The following ZMAT5 variants were observed in gnomAD, a reference collection of about 807,000 sequenced individuals.
ZMAT5 encodes zinc finger matrin-type 5.
Under a neutral mutation model 28.0 loss-of-function variants are expected in ZMAT5, and 23 were observed. The observed-to-expected ratio is 0.82, with a 90% CI of 0.59 to 1.16. The LOEUF (loss-of-function observed/expected upper bound fraction) is 1.16, where lower values mean the gene tolerates loss of function less well. ZMAT5 is among the 50% of genes most tolerant of loss of function. The pLI is 0.00. For missense variants in ZMAT5, 173 were observed against 212.7 expected (o/e 0.81, Z 1.16); for synonymous variants, 76 against 84.1 (o/e 0.90, Z 0.52).
At chr22:29,744,265 T>C (rs751884019) in intron 2 of ZMAT5, among the ~76,000 whole-genome samples, 63 of 152,134 alleles carry the variant, frequency 4.1e-4, no homozygotes, top group Non-Finnish European at 7.4e-4. Flanking sequence ...TTCTTCATTT[T>C]TTCCTCACAA....
At position 29,740,635 on chromosome 22, in the gene ZMAT5, C is replaced by A. The variant is rs1275944486; in HGVS notation, c.271+15G>T. On this transcript the variant is annotated intron_variant, in intron 4 of 5. Coordinates refer to ENST00000344318, the MANE Select transcript of ZMAT5 (RefSeq NM_001003692.2). ...CACCCCACTCCCGCTTAGCCCAGGG[C>A]ATCCCGAGACGTACCCTCCACCTGG... 2 of 1,587,332 alleles carry A rather than the reference C, an allele frequency of 1.3e-6. No individual in the cohort carries two copies. Among genetic ancestry groups the A allele is most frequent in the South Asian group, 2.3e-5 (2 of 86,832 alleles).
chr22:29,734,546 T>C (rs1243011646), intron 5 of ZMAT5, among the ~76,000 whole-genome samples: 1 of 152,196 alleles, frequency 6.6e-6, no homozygotes, highest in Non-Finnish European at 1.5e-5. Context: ...GCAGTAAACC[T>C]GTCCTGGGCA....
At chr22:29,749,327 C>G (rs373730622) in intron 1 of ZMAT5, among the ~76,000 whole-genome samples, 1 of 152,012 alleles carries the variant, frequency 6.6e-6, no homozygotes, top group East Asian at 1.9e-4. Context: ...CCCGCCTTGG[C>G]CCCCCAAAGT....
chr22:29,731,327 G>A lies in ZMAT5; in HGVS notation c.411C>T (p.Phe137=), dbSNP rs1161410963. The A allele has an allele frequency of 2.0e-6, 3 of 1,537,140 alleles. No individual in the cohort carries two copies. In the Admixed American group the frequency reaches 7.0e-5, roughly 36 times the overall value. ...CTGGTGGCCAGCCCACGGGGTACTG[G>A]AAGACAGTGGTTCTGATGGGTTCAG... The part of the protein sequence containing the change: ...SRAEPIRTTV[F]QYPVGWPPVQ... The change falls in exon 6 of 6, where the codon TTC becomes TTT. Residue 137 remains phenylalanine (F), a synonymous_variant. Coordinates refer to ENST00000344318, the MANE Select transcript of ZMAT5 (RefSeq NM_001003692.2).
At chr22:29,766,624 G>C (rs1333956742) in intron 1 of ZMAT5, among the ~76,000 whole-genome samples, 1 of 152,210 alleles carries the variant, frequency 6.6e-6, no homozygotes, top group East Asian at 1.9e-4. Flanking sequence ...AGGGTTGCCC[G>C]GTGCGAAGCC....
At chr22:29,732,751 A>G (rs2067863179) in intron 5 of ZMAT5, among the ~76,000 whole-genome samples, 1 of 151,500 alleles carries the variant, frequency 6.6e-6, no homozygotes, top group African/African-American at 2.4e-5. Flanking sequence ...AAAAAAAAAA[A>G]AAAAAAAAAA....
chr22:29,737,752 C>G (rs2067919612), intron 5 of ZMAT5, among the ~76,000 whole-genome samples: 1 of 152,020 alleles, frequency 6.6e-6, no homozygotes, highest in Non-Finnish European at 1.5e-5. Flanking sequence ...GCCCTTCCCT[C>G]AAAGAGGAGG....
At chr22:29,738,835 C>A (rs1601717430) in intron 4 of ZMAT5, among the ~76,000 whole-genome samples, 1 of 152,140 alleles carries the variant, frequency 6.6e-6, no homozygotes, top group East Asian at 1.9e-4. Flanking sequence ...GAAACCCTGC[C>A]TCTACTAAAA....
At chr22:29,759,230 G>C (rs2068132413) in intron 1 of ZMAT5, among the ~76,000 whole-genome samples, 1 of 152,158 alleles carries the variant, frequency 6.6e-6, no homozygotes, top group Non-Finnish European at 1.5e-5. Flanking sequence ...TCCTGAACCA[G>C]ATACTTGGAC....
chr22:29,740,262 C>T (rs953027638), intron 4 of ZMAT5, among the ~76,000 whole-genome samples: 10 of 152,146 alleles, frequency 6.6e-5, no homozygotes, highest in African/African-American at 9.7e-5. Flanking sequence ...TCCTAAACTC[C>T]TTATCCCTAG....
At chr22:29,754,542 A>C (rs1474112111) in intron 1 of ZMAT5, among the ~76,000 whole-genome samples, 1 of 152,208 alleles carries the variant, frequency 6.6e-6, no homozygotes, top group African/African-American at 2.4e-5. Context: ...TATGGATCCC[A>C]CAGCTGCTGA....
At chr22:29,736,474 C>G (rs750378074) in intron 5 of ZMAT5, among the ~76,000 whole-genome samples, 68 of 152,114 alleles carry the variant, frequency 4.5e-4, no homozygotes, top group Middle Eastern at 3.2e-3. Context: ...AATCCCAGCA[C>G]TCTGGGAGGC....
At chr22:29,760,022 G>A (rs1369733583) in intron 1 of ZMAT5, among the ~76,000 whole-genome samples, 2 of 152,108 alleles carry the variant, frequency 1.3e-5, no homozygotes, top group African/African-American at 4.8e-5. Flanking sequence ...GCAACATGGT[G>A]AAACCCCATC....
chr22:29,738,151 C>T (rs2067924677), intron 5 of ZMAT5, among the ~76,000 whole-genome samples, 179 bp downstream of exon 5: 1 of 152,168 alleles, frequency 6.6e-6, no homozygotes, highest in African/African-American at 2.4e-5. Context: ...TCAAACACCC[C>T]TCAGCCTCTG....
chr22:29,762,624 C>T (rs1239101777), intron 1 of ZMAT5, among the ~76,000 whole-genome samples: 4 of 152,226 alleles, frequency 2.6e-5, no homozygotes, highest in African/African-American at 9.6e-5. Flanking sequence ...TCCCATCACC[C>T]CCAGATGGGA....
chr22:29,737,679 G>C (rs2067918759), intron 5 of ZMAT5, among the ~76,000 whole-genome samples: 1 of 152,074 alleles, frequency 6.6e-6, no homozygotes, highest in Non-Finnish European at 1.5e-5. Context: ...TTCGGTTTTG[G>C]CCGCCAGCCT....
intron 1 of ZMAT5, among the ~76,000 whole-genome samples, chr22:29,749,838 C>G (rs756497708): frequency 6.6e-6 from 1 of 152,134 alleles, no homozygotes; most frequent in Non-Finnish European, 1.5e-5. Context: ...TTGCTCAGCA[C>G]TTCTCTCTCC....
At chr22:29,737,098 G>C (rs561717718) in intron 5 of ZMAT5, among the ~76,000 whole-genome samples, 1 of 151,216 alleles carries the variant, frequency 6.6e-6, no homozygotes, top group African/African-American at 2.4e-5. Flanking sequence ...GGGAGGCCGA[G>C]GCAGGCGGAT....
intron 5 of ZMAT5, among the ~76,000 whole-genome samples, chr22:29,732,068 C>T (rs35472281): frequency 2.0e-5 from 3 of 152,264 alleles, no homozygotes; most frequent in Admixed American, 1.3e-4. Flanking sequence ...GGAGAGGCAT[C>T]CTCCGTGCCC....
Sources: gnomAD v4.1 joint callset for allele counts (sites outside exome capture counted in the v4.1 genomes callset) on GRCh38, gnomAD v4.1.1 for gene constraint, MANE v1.5 for transcripts, NCBI Gene and HGNC (gene_info 2026-07-23, HGNC 2026-07-21) for gene names.